The following TRHDE variants were observed in gnomAD, a reference collection of about 807,000 sequenced individuals.
TRHDE encodes thyrotropin releasing hormone degrading enzyme.
TRHDE carries 72 observed loss-of-function variants against 125.7 expected under a neutral mutation model. The observed-to-expected ratio is 0.57, with a 90% CI of 0.47 to 0.70. The LOEUF (loss-of-function observed/expected upper bound fraction) is 0.70, where lower values mean the gene tolerates loss of function less well. TRHDE is among the 30% of genes least tolerant of loss of function. The pLI, the probability that TRHDE is intolerant of heterozygous loss-of-function variation, is 0.00. For missense variants in TRHDE, 1,110 were observed against 1,327.1 expected, an observed-to-expected ratio of 0.84 and a Z score of 2.54; for synonymous variants, 509 against 509.1, an observed-to-expected ratio of 1.00 and a Z score of 0.00.
chr12:72,508,277 C>T lies in TRHDE; in HGVS notation c.1722+8642C>T, dbSNP rs192138652. 9.2e-5 allele frequency among the ~76,000 whole-genome samples: 14 copies of T among 152,238 alleles called. No individual in the cohort carries two copies. The East Asian group carries it at 1.7e-3, about 19-fold the overall frequency. On this transcript the variant is annotated intron_variant, in intron 6 of 18. Coordinates refer to ENST00000261180, the MANE Select transcript of TRHDE (RefSeq NM_013381.3). ...TTATAGATCCATTAACAGCTTGCAGCGTGTACCTAGAAAGCCACAAACACT... is the reference window on the plus strand; with the variant it reads ...TTATAGATCCATTAACAGCTTGCAGTGTGTACCTAGAAAGCCACAAACACT...
intron 15 of TRHDE, among the ~76,000 whole-genome samples, chr12:72,624,516 G>A (rs1873179061): frequency 6.6e-6 from 1 of 151,792 alleles, no homozygotes; most frequent in Non-Finnish European, 1.5e-5. Flanking sequence ...GATACATTGG[G>A]GATATGGGTA....
At chr12:72,341,020 A>G (rs980399358) in intron 2 of TRHDE, among the ~76,000 whole-genome samples, 2 of 151,986 alleles carry the variant, frequency 1.3e-5, no homozygotes, top group African/African-American at 4.8e-5. Context: ...TTTATGGTAT[A>G]TGAGCTGAGT....
intron 3 of TRHDE, among the ~76,000 whole-genome samples, chr12:72,445,532 T>A (rs1301660523): frequency 6.6e-6 from 1 of 151,922 alleles, no homozygotes; most frequent in East Asian, 1.9e-4. Flanking sequence ...CTAACATTTA[T>A]TTTTGTTGCT....
At chr12:72,390,085 C>T (rs939343764) in intron 3 of TRHDE, among the ~76,000 whole-genome samples, 1 of 152,156 alleles carries the variant, frequency 6.6e-6, no homozygotes, top group African/African-American at 2.4e-5. Context: ...GCTTGAAAAA[C>T]TATGAGCTTT....
chr12:72,341,791 A>G (rs746530520), intron 2 of TRHDE, among the ~76,000 whole-genome samples: 26 of 152,182 alleles, frequency 1.7e-4, no homozygotes, highest in Non-Finnish European at 2.5e-4. Flanking sequence ...TAAAACATGT[A>G]TCTGCGGACA....
chr12:72,546,623 C>T (rs888580974), intron 7 of TRHDE, among the ~76,000 whole-genome samples: 7 of 151,526 alleles, frequency 4.6e-5, no homozygotes, highest in Non-Finnish European at 1.0e-4. Context: ...GGTCTACAAT[C>T]ACTTCTGGTA....
At chr12:72,194,528 CT>C (rs1565659809) in intron 2 of TRHDE, among the ~76,000 whole-genome samples, 1 of 152,034 alleles carries the variant, frequency 6.6e-6, no homozygotes, top group Non-Finnish European at 1.5e-5. Flanking sequence ...TTTTTCAAAT[CT>C]TTCCCCCCTC....
In TRHDE at chr12:72,653,025, T is replaced by C. The variant is rs1172091597; in HGVS notation, c.2853T>C (p.Asn951=). 6.2e-7 allele frequency: 1 copy of C among 1,604,468 alleles called. No homozygotes were observed. Among genetic ancestry groups the C allele is most frequent in the South Asian group, 1.1e-5 (1 of 89,418 alleles). The change falls in exon 17 of 19, where the codon AAT becomes AAC. Residue 951 remains asparagine (N), a synonymous_variant. Coordinates refer to ENST00000261180, the MANE Select transcript of TRHDE (RefSeq NM_013381.3). ...DDRNLLNRLL[N]LSLNSEVVLD... ...AATTCTATCTTTGAAGGCTTCTAAA[T>C]CTGTCACTGAATTCTGAGGTGGTGC...
chr12:72,624,359 A>G (rs1873172152), intron 15 of TRHDE, among the ~76,000 whole-genome samples: 2 of 151,988 alleles, frequency 1.3e-5, no homozygotes, highest in Non-Finnish European at 2.9e-5. Flanking sequence ...TCATCTAAGA[A>G]AAGAATACTA....
intron 18 of TRHDE, among the ~76,000 whole-genome samples, chr12:72,657,700 T>TTTTG (rs911651056): frequency 6.6e-6 from 1 of 152,122 alleles, no homozygotes; most frequent in Non-Finnish European, 1.5e-5. Flanking sequence ...AGCCAGCTAG[T>TTTTG]TTTGTTTGTT....
At chr12:72,435,978 G>A (rs1410248930) in intron 3 of TRHDE, among the ~76,000 whole-genome samples, 1 of 151,776 alleles carries the variant, frequency 6.6e-6, no homozygotes, top group African/African-American at 2.4e-5. Context: ...TGTTCCCCCC[G>A]ACCAATAAAA....
intron 2 of TRHDE, among the ~76,000 whole-genome samples, chr12:72,137,210 G>A (rs111773146): frequency 2.0e-5 from 3 of 152,170 alleles, no homozygotes; most frequent in Admixed American, 1.3e-4. Flanking sequence ...ATCCATGTGT[G>A]AGACAGATTC....
At chr12:72,646,596 T>C (rs934289992) in intron 15 of TRHDE, among the ~76,000 whole-genome samples, 10 of 152,204 alleles carry the variant, frequency 6.6e-5, no homozygotes, top group African/African-American at 2.4e-4. Context: ...AGTCTCACTT[T>C]AGCTTTAAGG....
chr12:72,090,915 G>A (rs1874775792), intron 1 of TRHDE, among the ~76,000 whole-genome samples: 1 of 151,834 alleles, frequency 6.6e-6, no homozygotes, highest in African/African-American at 2.4e-5. Flanking sequence ...TCTGTCCCTA[G>A]GCTGGAGTAC....
chr12:72,375,752 G>T (rs1199367548), intron 2 of TRHDE, among the ~76,000 whole-genome samples: 2 of 152,136 alleles, frequency 1.3e-5, no homozygotes, highest in African/African-American at 4.8e-5. Flanking sequence ...TTTGAGAGTG[G>T]TGATTGTATC....
At chr12:72,647,878 C>CA (rs1447555083) in intron 15 of TRHDE, among the ~76,000 whole-genome samples, 1 of 151,906 alleles carries the variant, frequency 6.6e-6, no homozygotes, top group African/African-American at 2.4e-5. Flanking sequence ...CTGAAACTTT[C>CA]AAAAAAATTG....
At chr12:72,291,158 C>CACTTGGTTTGGTT (rs1302077841) in intron 2 of TRHDE, among the ~76,000 whole-genome samples, 2 of 152,210 alleles carry the variant, frequency 1.3e-5, no homozygotes, top group Admixed American at 1.3e-4. Context: ...TAGAAGAGAT[C>CACTTGGTTTGGTT]ACTTGGTTTG....
At chr12:72,120,470 T>C (rs1178303472) in intron 2 of TRHDE, among the ~76,000 whole-genome samples, 1 of 152,158 alleles carries the variant, frequency 6.6e-6, no homozygotes, top group Non-Finnish European at 1.5e-5. Context: ...TCTCGTGGTA[T>C]GTTTTAATTT....
rs572538496 is a variant in TRHDE at position 72,398,453 on chromosome 12, G to A, written c.1315+20332G>A. On this transcript the variant is annotated intron_variant, in intron 3 of 18. Coordinates refer to ENST00000261180, the MANE Select transcript of TRHDE (RefSeq NM_013381.3). ...CATTTATTACGTTCCATTGTATTAT[G>A]TACTTTGCCATTTATATAGCAGTGT... Among the ~76,000 whole-genome samples, 14 of 152,212 alleles carry A rather than the reference G, an allele frequency of 9.2e-5. No homozygotes were observed. In the South Asian group the frequency reaches 1.7e-3, roughly 18 times the overall value.
Sources: gnomAD v4.1 joint callset for allele counts (sites outside exome capture counted in the v4.1 genomes callset) on GRCh38, gnomAD v4.1.1 for gene constraint, MANE v1.5 for transcripts, NCBI Gene and HGNC (gene_info 2026-07-23, HGNC 2026-07-21) for gene names.